The following ERAP2 variants were observed in gnomAD, a reference collection of about 807,000 sequenced individuals.
ERAP2 encodes endoplasmic reticulum aminopeptidase 2, also known as leukocyte-derived arginine aminopeptidase.
ERAP2 carries 118 observed loss-of-function variants against 111.1 expected under a neutral mutation model. The observed-to-expected ratio is 1.06, with a 90% CI of 0.92 to 1.24. ERAP2 has a LOEUF of 1.24. Among genes scored for constraint, ERAP2 ranks in the 50% most tolerant of loss-of-function variants. The probability of loss-of-function intolerance (pLI) is 0.00; values close to 1 mark genes in which losing one functional copy is unlikely to be tolerated. For missense variants in ERAP2, 1,131 were observed against 1,125.8 expected, an observed-to-expected ratio of 1.00 and a Z score of -0.07; for synonymous variants, 410 against 401.2, an observed-to-expected ratio of 1.02 and a Z score of -0.26.
At chr5:96,892,994 A>G (rs1784528452) in intron 6 of ERAP2, among the ~76,000 whole-genome samples, 1 of 150,490 alleles carries the variant, frequency 6.6e-6, no homozygotes, top group African/African-American at 2.4e-5. Flanking sequence ...TCTGTTTCAT[A>G]AAGCTGTTCT....
intron 3 of ERAP2, 142 bp downstream of exon 3, chr5:96,884,072 ATCT>A (rs1561361529): frequency 8.8e-5 from 49 of 556,296 alleles, no homozygotes; most frequent in African/African-American, 7.5e-4. Context: ...CTATCTATCT[ATCT>A]ATCTATCATC....
chr5:96,905,757 G>A (rs1049859200), intron 13 of ERAP2, among the ~76,000 whole-genome samples: 5 of 152,054 alleles, frequency 3.3e-5, no homozygotes, highest in Admixed American at 6.6e-5. Context: ...GGTGGTGTAC[G>A]CCTGTAATCC....
Position 96,902,297 on chromosome 5 carries a change from C to T in ERAP2, c.1772C>T (p.Thr591Ile). ...QERYLWHIPL[T>I]YSTSSSNVIH... Reference sequence around the variant, plus strand: ...AGGTACCTGTGGCATATCCCATTGACCTACTCCACGAGTTCTTCTAATGTG... The same window carrying T: ...AGGTACCTGTGGCATATCCCATTGATCTACTCCACGAGTTCTTCTAATGTG... Residue 591 changes from threonine (T) to isoleucine (I), a missense_variant, in exon 12 of 19, where the codon ACC (threonine) becomes ATC (isoleucine). This residue lies in a region of ERAP2 where 847 missense variants were observed against 856.5 expected (regional missense o/e 0.99). Coordinates refer to ENST00000437043, the MANE Select transcript of ERAP2 (RefSeq NM_022350.5). 2.5e-6 allele frequency: 4 copies of T among 1,611,224 alleles called. No individual in the cohort carries two copies. The highest frequency in any genetic ancestry group is 1.7e-4 in the Middle Eastern group (1 of 6,048).
At chr5:96,887,715 T>A (rs1488743222) in intron 4 of ERAP2, among the ~76,000 whole-genome samples, 2 of 152,240 alleles carry the variant, frequency 1.3e-5, no homozygotes, top group African/African-American at 4.8e-5. Context: ...TCTTTGTAGT[T>A]AAATATTTGC....
In ERAP2 at chr5:96,895,247, G is replaced by C. The variant is rs773337881; in HGVS notation, c.1127G>C (p.Trp376Ser). The C allele has an allele frequency of 2.4e-5, 38 of 1,598,530 alleles. No homozygotes were observed. Among genetic ancestry groups the C allele is most frequent in the Non-Finnish European group, 1.7e-6 (2 of 1,169,818 alleles). ...TAATATTGAGTTTTTACCTCCTAGTGGTTTGGCAACCTGGTCACAATGGAA... is the reference window on the plus strand; with the variant it reads ...TAATATTGAGTTTTTACCTCCTAGTCGTTTGGCAACCTGGTCACAATGGAA... ...RVIAHELAHQ[W>S]FGNLVTMEWW... Residue 376 changes from tryptophan (W) to serine (S), a missense_variant and splice_region_variant, in exon 7 of 19, where the codon TGG (tryptophan) becomes TCG (serine). By Grantham distance (177) the Trp-to-Ser change is radical (BLOSUM62 -3). Around this residue, in one of 3 missense-constraint regions of ERAP2, gnomAD observed 847 missense variants for 856.5 expected, o/e 0.99. Coordinates refer to ENST00000437043, the MANE Select transcript of ERAP2 (RefSeq NM_022350.5).
Position 96,917,533 on chromosome 5 carries a change from G to C in ERAP2, c.2811G>C (p.Thr937=). ...ATATTTTTCAAACTGTTCTGGAAAC[G>C]ATAACCAAAAATATAAAATGGCTGG... ...HLDIFQTVLE[T]ITKNIKWLEK... The change falls in exon 19 of 19, where the codon ACG becomes ACC. Residue 937 remains threonine, a synonymous_variant. Transcript: ENST00000437043. The C allele has an allele frequency of 6.2e-7, 1 of 1,613,732 alleles. No individual in the cohort carries two copies. The highest frequency in any genetic ancestry group is 8.5e-7 in the Non-Finnish European group (1 of 1,179,816).
chr5:96,882,244 T>G (rs1783214066), intron 2 of ERAP2, among the ~76,000 whole-genome samples: 1 of 152,240 alleles, frequency 6.6e-6, no homozygotes, highest in Non-Finnish European at 1.5e-5. Context: ...TTTTCATTTT[T>G]TTCAAATGCC....
In ERAP2 at chr5:96,879,915, A is replaced by T. The variant is rs562967580; in HGVS notation, c.230A>T (p.His77Leu). 1.2e-6 allele frequency: 2 copies of T among 1,614,078 alleles called. No homozygotes were observed. The highest frequency in any genetic ancestry group is 3.3e-5 in the Admixed American group (2 of 60,008). Residue 77 changes from histidine to leucine, a missense_variant, in exon 2 of 19, where the codon CAT (histidine) becomes CTT (leucine). Coordinates refer to ENST00000437043, the MANE Select transcript of ERAP2 (RefSeq NM_022350.5). ...LRLPSVVIPL[H>L]YDLFVHPNLT... ...CTCCCCAGTGTGGTCATTCCTCTCC[A>T]TTATGACCTCTTTGTCCACCCCAAT...
intron 9 of ERAP2, among the ~76,000 whole-genome samples, chr5:96,897,844 T>G (rs1056396133): frequency 6.6e-6 from 1 of 152,210 alleles, no homozygotes; most frequent in African/African-American, 2.4e-5. Flanking sequence ...TTACAAGCAC[T>G]TGTGTCCCAG....
upstream of ERAP2, chr5:96,876,485 A>T (rs1161598509): frequency 6.6e-6 from 1 of 152,384 alleles, no homozygotes; most frequent in Non-Finnish European, 1.5e-5. Flanking sequence ...TGAAAGCAAA[A>T]GTAAATTCCC....
chr5:96,908,350 T>C (rs1340304994), intron 13 of ERAP2, among the ~76,000 whole-genome samples: 1 of 152,216 alleles, frequency 6.6e-6, no homozygotes, highest in East Asian at 1.9e-4. Flanking sequence ...CTTAGAATAA[T>C]AAACCTGTTA....
chr5:96,909,439 A>G, intron 14 of ERAP2, 141 bp from the exon 15 acceptor site: 1 of 701,100 alleles, frequency 1.4e-6, no homozygotes, highest in Non-Finnish European at 2.4e-6. Flanking sequence ...CCAGAAAAAG[A>G]TAAGAGAAAT....
chr5:96,908,972 T>C lies in ERAP2; in HGVS notation c.2024T>C (p.Leu675Pro). 6.2e-7 allele frequency: 1 copy of C among 1,614,068 alleles called. No homozygotes were observed. The highest frequency in any genetic ancestry group is 8.5e-7 in the Non-Finnish European group (1 of 1,179,942). Residue 675 changes from leucine (L) to proline (P), a missense_variant, in exon 14 of 19, where the codon CTG becomes CCG. By Grantham distance (98) the Leu-to-Pro change is moderately conservative (BLOSUM62 -3). Transcript: ENST00000437043. ...DVFQLVGAGR[L>P]TLDKALDMTY... Reference sequence around the variant, plus strand: ...GTTTTATACTTCAGTGCAGGGAGACTGACCCTAGACAAAGCTCTTGACATG... The same window carrying C: ...GTTTTATACTTCAGTGCAGGGAGACCGACCCTAGACAAAGCTCTTGACATG...
At chr5:96,898,003 C>T (rs1785036835) in intron 9 of ERAP2, among the ~76,000 whole-genome samples, 1 of 152,168 alleles carries the variant, frequency 6.6e-6, no homozygotes, top group South Asian at 2.1e-4. Context: ...TTGAGACCAG[C>T]CTGGCCAATT....
At chr5:96,897,234 A>G (rs1319342033) in intron 9 of ERAP2, among the ~76,000 whole-genome samples, 66 of 152,302 alleles carry the variant, frequency 4.3e-4, no homozygotes, top group Non-Finnish European at 1.0e-4. Flanking sequence ...ATATTTGTTG[A>G]GCAAAACTAA....
At chr5:96,906,330 G>A (rs1046301580) in intron 13 of ERAP2, among the ~76,000 whole-genome samples, 2 of 151,920 alleles carry the variant, frequency 1.3e-5, no homozygotes, top group Admixed American at 1.3e-4. Flanking sequence ...GCAGTGGTGC[G>A]ATCATGGCTC....
intron 1 of ERAP2, among the ~76,000 whole-genome samples, 176 bp downstream of exon 1, chr5:96,876,703 G>A (rs1368914210): frequency 6.6e-6 from 1 of 152,140 alleles, no homozygotes; most frequent in Non-Finnish European, 1.5e-5. Context: ...AGTTGAGGCT[G>A]GGACTTGATC....
Position 96,917,570 on chromosome 5 carries a change from C to A in ERAP2, c.2848C>A (p.Pro950Thr). 6.2e-7 allele frequency: 1 copy of A among 1,613,774 alleles called. No individual in the cohort carries two copies. Among genetic ancestry groups the A allele is most frequent in the Non-Finnish European group, 8.5e-7 (1 of 1,179,882 alleles). ...TATAAAATGGCTGGAGAAGAATCTT[C>A]CGACTCTGAGGACTTGGCTAATGGT... Reference protein sequence around the residue: ...KNIKWLEKNLPTLRTWLMVNT With the variant: ...KNIKWLEKNLTTLRTWLMVNT The change falls in exon 19 of 19, where the codon CCG (proline) becomes ACG (threonine). Residue 950 changes from proline to threonine, a missense_variant. By Grantham distance (38) the Pro-to-Thr change is conservative. Transcript: ENST00000437043.
intron 18 of ERAP2, among the ~76,000 whole-genome samples, chr5:96,916,920 C>T (rs1207980781): frequency 1.3e-5 from 2 of 152,172 alleles, no homozygotes; most frequent in Middle Eastern, 3.4e-3. Flanking sequence ...CTTCTTTAGC[C>T]ACATTGTGGT....
Sources: allele counts gnomAD v4.1 joint callset (sites outside exome capture counted in the v4.1 genomes callset), GRCh38; gene constraint gnomAD v4.1.1; regional missense constraint gnomAD v4.1.1; transcripts MANE v1.5; gene names NCBI Gene and HGNC (gene_info 2026-07-23, HGNC 2026-07-21).